Variants in HSPBP1 observed in about 807,000 individuals in gnomAD.
HSPBP1 encodes hsp70-binding protein 1.
In HSPBP1, 31 loss-of-function variants were observed where a neutral mutation model predicts 41.7. That is an observed-to-expected ratio of 0.74 (90% CI 0.56 to 1.00). The LOEUF (loss-of-function observed/expected upper bound fraction) is 1.00, where lower values mean the gene tolerates loss of function less well. Ranked by LOEUF, HSPBP1 falls within the 50% of genes least tolerant of loss-of-function variation. The pLI is 0.00. For missense variants in HSPBP1, 439 were observed against 487.9 expected, an observed-to-expected ratio of 0.90 and a Z score of 0.94; for synonymous variants, 199 against 214.4, an observed-to-expected ratio of 0.93 and a Z score of 0.63.
intron 7 of HSPBP1, among the ~76,000 whole-genome samples, chr19:55,264,866 G>A (rs764529061): frequency 2.2e-4 from 33 of 152,166 alleles, no homozygotes; most frequent in Middle Eastern, 3.4e-3. Context: ...CTGAACCAGC[G>A]GACCCAGGAG....
intron 2 of HSPBP1, 40 bp downstream of exon 2, chr19:55,279,359 C>A (rs2088164321): frequency 6.5e-7 from 1 of 1,543,686 alleles, no homozygotes; most frequent in Non-Finnish European, 8.8e-7. Context: ...TATCTGTCCC[C>A]AGGCCCCTCA....
rs2088181295 is a variant in HSPBP1 at position 55,279,714 on chromosome 19, G to A, written c.-94-12C>T. The A allele has an allele frequency of 2.6e-6, 4 of 1,536,764 alleles. No homozygotes were observed. The highest frequency in any genetic ancestry group is 3.5e-6 in the Non-Finnish European group (4 of 1,146,486). On this transcript the variant is annotated splice_polypyrimidine_tract_variant and intron_variant, in intron 1 of 7. Coordinates refer to ENST00000433386, the MANE Select transcript of HSPBP1 (RefSeq NM_012267.5). ...CGATTCTTGAGGGTCTGCTGAGAAG[G>A]CGGCGTTTCAGGGGAGCTCGGCGAC...
chr19:55,279,518 A>ACCCGCCGCC lies in HSPBP1; in HGVS notation c.90_91insGGCGGCGGG (p.Gly28_Gly30dup). The ACCCGCCGCC allele has an allele frequency of 6.3e-7, 1 of 1,597,834 alleles. No homozygotes were observed. Among genetic ancestry groups the ACCCGCCGCC allele is most frequent in the South Asian group, 1.1e-5 (1 of 90,492 alleles). On this transcript the variant is annotated inframe_insertion, in exon 2 of 8. Coordinates refer to ENST00000433386, the MANE Select transcript of HSPBP1 (RefSeq NM_012267.5). Reference sequence around the variant, plus strand: ...GAATTGCCCGAGCCCCCAGCCGAGGAGCCGCCGCCGCCGCCCCCTGAAGAG... The same window carrying ACCCGCCGCC: ...GAATTGCCCGAGCCCCCAGCCGAGGACCCGCCGCCGCCGCCGCCGCCGCCCCCTGAAGAG...
rs1007618611 is a variant in HSPBP1 at position 55,262,555 on chromosome 19, G to A, written c.*53C>T. The A allele has an allele frequency of 1.9e-6, 3 of 1,603,596 alleles. No individual in the cohort carries two copies. Among genetic ancestry groups the A allele is most frequent in the Non-Finnish European group, 2.6e-6 (3 of 1,174,928 alleles). ...GGAGAGGGCCTTGTAGGTGGGGAGGGAGGCAAGAGGCCTGGGGTTCCCACG... is the reference window on the plus strand; with the variant it reads ...GGAGAGGGCCTTGTAGGTGGGGAGGAAGGCAAGAGGCCTGGGGTTCCCACG... On this transcript the variant is annotated 3_prime_UTR_variant, in exon 8 of 8. Coordinates refer to ENST00000433386, the MANE Select transcript of HSPBP1 (RefSeq NM_012267.5).
chr19:55,279,143 C>T (rs751356009), intron 2 of HSPBP1, among the ~76,000 whole-genome samples: 22 of 152,142 alleles, frequency 1.4e-4, no homozygotes, highest in Admixed American at 3.3e-4. Context: ...CAAGGTCACA[C>T]AGCTGGAAAT....
intron 4 of HSPBP1, 53 bp downstream of exon 4, chr19:55,274,345 G>GACCCCCCCCCCC: frequency 1.8e-6 from 1 of 552,678 alleles, no homozygotes; most frequent in Non-Finnish European, 3.1e-6. Context: ...GGCCCACCCG[G>GACCCCCCCCCCC]CACCCCCCCC....
chr19:55,275,584 C>G (rs2088049077), intron 3 of HSPBP1, among the ~76,000 whole-genome samples: 1 of 151,968 alleles, frequency 6.6e-6, no homozygotes, highest in Non-Finnish European at 1.5e-5. Flanking sequence ...CACTTGAGGC[C>G]AGGAGTTCGA....
chr19:55,274,367 C>A, intron 4 of HSPBP1, 31 bp downstream of exon 4: 4 of 1,274,044 alleles, frequency 3.1e-6, no homozygotes, highest in African/African-American at 1.6e-5. Context: ...ACCGCCAGCA[C>A]CCCTGTCCCC....
At chr19:55,276,291 G>A (rs1465111027) in intron 3 of HSPBP1, among the ~76,000 whole-genome samples, 5 of 152,016 alleles carry the variant, frequency 3.3e-5, no homozygotes, top group South Asian at 2.1e-4. Flanking sequence ...GGGGAGGGCC[G>A]GCCTAATGGG....
chr19:55,265,226 C>A, intron 7 of HSPBP1, 52 bp downstream of exon 7: 1 of 823,102 alleles, frequency 1.2e-6, no homozygotes, highest in Non-Finnish European at 1.9e-6. Flanking sequence ...GAGCCCTTGT[C>A]CCCTCCCCCT....
intron 4 of HSPBP1, among the ~76,000 whole-genome samples, 162 bp from the exon 5 acceptor site, chr19:55,266,448 T>C (rs373681804): frequency 1.2e-3 from 2 of 1,722 alleles, no homozygotes; most frequent in African/African-American, 2.0e-3. Flanking sequence ...ACCATTCTCA[T>C]CCTCACCACC....
Position 55,270,826 on chromosome 19 carries a change from C to T in HSPBP1, c.640+3572G>A, listed in dbSNP as rs985084039. Among the ~76,000 whole-genome samples the T allele has an allele frequency of 2.6e-5, 4 of 151,104 alleles. No individual in the cohort carries two copies. The highest frequency in any genetic ancestry group is 9.7e-5 in the African/African-American group (4 of 41,064). Reference sequence around the variant, plus strand: ...CACCTCATATGCACCCCACATACCCCACACATATACATACATCCCCCCAGC... The same window carrying T: ...CACCTCATATGCACCCCACATACCCTACACATATACATACATCCCCCCAGC... On this transcript the variant is annotated intron_variant, in intron 4 of 7. Coordinates refer to ENST00000433386, the MANE Select transcript of HSPBP1 (RefSeq NM_012267.5). The surrounding 1 kb of genome is among the most constrained non-coding windows in gnomAD (Gnocchi z 5.4).
At chr19:55,274,345 G>GGCCCCC in intron 4 of HSPBP1, 53 bp downstream of exon 4, 1 of 552,676 alleles carries the variant, frequency 1.8e-6, no homozygotes, top group Non-Finnish European at 3.1e-6. Context: ...GGCCCACCCG[G>GGCCCCC]CACCCCCCCC....
chr19:55,262,447 C>A lies in HSPBP1; in HGVS notation c.*161G>T. The A allele has an allele frequency of 7.0e-7, 1 of 1,428,586 alleles. No homozygotes were observed. Among genetic ancestry groups the A allele is most frequent in the Non-Finnish European group, 9.2e-7 (1 of 1,092,286 alleles). 88.5% of individuals were successfully genotyped at this position (1,428,586 alleles called of 1,614,324 possible). On this transcript the variant is annotated 3_prime_UTR_variant, in exon 8 of 8. Coordinates refer to ENST00000433386, the MANE Select transcript of HSPBP1 (RefSeq NM_012267.5). The stretch of plus-strand genomic sequence containing the variant: ...GAGGTGGGGTCCAAGGAGCTGGTGC[C>A]TTTCTCAGCGCCCCTTCCAGGGACT...
intron 4 of HSPBP1, 29 bp downstream of exon 4, chr19:55,274,369 C>A: frequency 7.1e-7 from 1 of 1,404,102 alleles, no homozygotes; most frequent in Non-Finnish European, 9.7e-7. Flanking sequence ...CGCCAGCACC[C>A]CTGTCCCCAG....
chr19:55,262,513 G>C lies in HSPBP1; in HGVS notation c.*95C>G. The C allele has an allele frequency of 6.4e-7, 1 of 1,550,702 alleles. No individual in the cohort carries two copies. Among genetic ancestry groups the C allele is most frequent in the Admixed American group, 1.9e-5 (1 of 51,978 alleles). On this transcript the variant is annotated 3_prime_UTR_variant, in exon 8 of 8. Transcript: ENST00000433386. ...GGCACACCCTGGGTCCAGGCACCTAGGCCCTGCGATCCCTTGGGAGAGGGC... is the reference window on the plus strand; with the variant it reads ...GGCACACCCTGGGTCCAGGCACCTACGCCCTGCGATCCCTTGGGAGAGGGC...
At chr19:55,269,580 A>G (rs988005338) in intron 4 of HSPBP1, among the ~76,000 whole-genome samples, 12 of 152,180 alleles carry the variant, frequency 7.9e-5, no homozygotes, top group Non-Finnish European at 1.6e-4. Context: ...AAGAAAAGAC[A>G]TGGAAGAACC....
chr19:55,262,728 C>T (rs1016053815), intron 7 of HSPBP1, 46 bp from the exon 8 acceptor site: 4 of 1,560,792 alleles, frequency 2.6e-6, no homozygotes, highest in South Asian at 1.2e-5. Context: ...GTGCAGAGGC[C>T]GGACCCTGCC....
rs542729018 is a variant in HSPBP1 at position 55,274,248 on chromosome 19, G to A, written c.640+150C>T. 4.7e-5 allele frequency: 37 copies of A among 779,792 alleles called. No homozygotes were observed. The African/African-American group carries it at 5.0e-4, about 11-fold the overall frequency. 48.3% of individuals were successfully genotyped at this position (779,792 alleles called of 1,614,324 possible). A position where few individuals can be genotyped will look rare whatever the true frequency, so the allele number is the denominator to read the frequency against. On this transcript the variant is annotated intron_variant, in intron 4 of 7. Transcript: ENST00000433386. ...GCCGAGTGCGCCACTCACTCTGCCC[G>A]CAGCACTCAGCCGTGCAGGGGTCCA...
Sources: allele counts gnomAD v4.1 joint callset (sites outside exome capture counted in the v4.1 genomes callset), GRCh38; gene constraint gnomAD v4.1.1; non-coding constraint Gnocchi (gnomAD v3.1); transcripts MANE v1.5; gene names NCBI Gene and HGNC (gene_info 2026-07-23, HGNC 2026-07-21).